CWF19L2: variants seen among roughly 807,000 people sequenced by gnomAD.
CWF19L2 encodes CWF19 like cell cycle control factor 2.
Under a neutral mutation model 111.7 loss-of-function variants are expected in CWF19L2, and 98 were observed. The observed-to-expected ratio is 0.88, with a 90% CI of 0.75 to 1.04. CWF19L2 has a LOEUF of 1.04. Ranked by LOEUF, CWF19L2 falls within the 50% of genes least tolerant of loss-of-function variation. CWF19L2 has a pLI of 0.00. For missense variants in CWF19L2, 1,101 were observed against 1,051.4 expected (o/e 1.05, Z -0.65); for synonymous variants, 351 against 342.9 (o/e 1.02, Z -0.26).
chr11:107,452,196 A>G (rs1861787498), intron 3 of CWF19L2, among the ~76,000 whole-genome samples: 1 of 152,192 alleles, frequency 6.6e-6, no homozygotes, highest in Non-Finnish European at 1.5e-5. Context: ...AATCTACTAA[A>G]AAAGCTACTA....
intron 10 of CWF19L2, among the ~76,000 whole-genome samples, chr11:107,404,933 T>A (rs1014447470): frequency 6.6e-6 from 1 of 152,194 alleles, no homozygotes; most frequent in Non-Finnish European, 1.5e-5. Flanking sequence ...GACAGAAATA[T>A]TGAGGAGCTC....
intron 7 of CWF19L2, among the ~76,000 whole-genome samples, chr11:107,431,569 T>C (rs1353171328): frequency 6.6e-6 from 1 of 152,108 alleles, no homozygotes; most frequent in African/African-American, 2.4e-5. Context: ...AATATTTATT[T>C]CTATTGAGCT....
intron 12 of CWF19L2, among the ~76,000 whole-genome samples, chr11:107,356,271 T>C (rs1179119551): frequency 6.6e-6 from 1 of 152,170 alleles, no homozygotes; most frequent in Non-Finnish European, 1.5e-5. Flanking sequence ...ATTAAACATC[T>C]GTATTAAAAG....
rs554063051 is a variant in CWF19L2 at position 107,386,142 on chromosome 11, T to C, written c.1872+3932A>G. ...GATCATCCCACCTCAGCTTCCTGCA[T>C]AGCTGAAACTACAGATAAGTACCAC... On this transcript the variant is annotated intron_variant, in intron 12 of 17. Coordinates refer to ENST00000282251, the MANE Select transcript of CWF19L2 (RefSeq NM_152434.3). Among the ~76,000 whole-genome samples, 14 of 152,316 alleles carry C rather than the reference T, an allele frequency of 9.2e-5. No homozygotes were observed. In the South Asian group the frequency reaches 2.3e-3, roughly 25 times the overall value.
chr11:107,408,400 G>T (rs1489510948), intron 10 of CWF19L2, among the ~76,000 whole-genome samples: 2 of 151,764 alleles, frequency 1.3e-5, no homozygotes, highest in African/African-American at 4.8e-5. Flanking sequence ...ATCTTAGTGT[G>T]GTAGATATAA....
At chr11:107,382,035 T>C (rs1268572578) in intron 12 of CWF19L2, among the ~76,000 whole-genome samples, 1 of 152,170 alleles carries the variant, frequency 6.6e-6, no homozygotes, top group African/African-American at 2.4e-5. Flanking sequence ...ATAAAATTAC[T>C]GCCCACAGTC....
chr11:107,331,414 G>A (rs1192357497), intron 16 of CWF19L2, among the ~76,000 whole-genome samples: 2 of 152,186 alleles, frequency 1.3e-5, no homozygotes, highest in East Asian at 3.8e-4. Context: ...TAGGCCCAAT[G>A]TAATCATAAG....
chr11:107,389,576 C>A (rs1430372291), intron 12 of CWF19L2, among the ~76,000 whole-genome samples: 1 of 152,142 alleles, frequency 6.6e-6, no homozygotes, highest in Non-Finnish European at 1.5e-5. Context: ...AACAAAAATT[C>A]ATCCTACCCA....
Position 107,442,823 on chromosome 11 carries a change from AG to A in CWF19L2, c.450+115del, listed in dbSNP as rs1861648188. On this transcript the variant is annotated intron_variant, in intron 4 of 17. Coordinates refer to ENST00000282251, the MANE Select transcript of CWF19L2 (RefSeq NM_152434.3). Reference sequence around the variant, plus strand: ...GGGAGGGAGGGAGGGAGGGAGGGGGAGGGAGGGAGAGAGGGACAGAGAGGGA... The same window carrying A: ...GGGAGGGAGGGAGGGAGGGAGGGGGAGGAGGGAGAGAGGGACAGAGAGGGA... The A allele has an allele frequency of 9.5e-6, 4 of 422,728 alleles. No individual in the cohort carries two copies. The Admixed American group carries it at 1.6e-4, about 17-fold the overall frequency. The allele number at this position is 422,728 out of a possible 1,614,324, so 26.2% of individuals were successfully genotyped here. A position where few individuals can be genotyped will look rare whatever the true frequency, so the allele number is the denominator to read the frequency against.
At chr11:107,403,028 C>T (rs1861029174) in intron 10 of CWF19L2, among the ~76,000 whole-genome samples, 1 of 151,100 alleles carries the variant, frequency 6.6e-6, no homozygotes, top group Non-Finnish European at 1.5e-5. Context: ...CATATATTTT[C>T]ACTGATATGT....
At position 107,405,988 on chromosome 11, in the gene CWF19L2, G is replaced by A. The variant is rs565103156; in HGVS notation, c.1617+10221C>T. ...CTTAATTAAAAAATATAGAAGTAAAGCAAAGGAAACAACTAAGAACCAAAG... is the reference window on the plus strand; with the variant it reads ...CTTAATTAAAAAATATAGAAGTAAAACAAAGGAAACAACTAAGAACCAAAG... On this transcript the variant is annotated intron_variant, in intron 10 of 17. Coordinates refer to ENST00000282251, the MANE Select transcript of CWF19L2 (RefSeq NM_152434.3). Among the ~76,000 whole-genome samples the A allele has an allele frequency of 3.9e-5, 6 of 152,186 alleles. No homozygotes were observed. In the South Asian group the frequency reaches 1.2e-3, roughly 32 times the overall value.
rs1288353305 is a variant in CWF19L2 at position 107,413,198 on chromosome 11, A to G, written c.1617+3011T>C. On this transcript the variant is annotated intron_variant, in intron 10 of 17. Transcript: ENST00000282251. ...ACTCCTCTGGTAGGGGCTATTGATAACGGGGGAGGCTGTGCTTATGGAGGG... is the reference window on the plus strand; with the variant it reads ...ACTCCTCTGGTAGGGGCTATTGATAGCGGGGGAGGCTGTGCTTATGGAGGG... Among the ~76,000 whole-genome samples the G allele has an allele frequency of 2.6e-5, 4 of 152,304 alleles. No individual in the cohort carries two copies. The East Asian group carries it at 7.7e-4, about 29-fold the overall frequency.
rs1038382324 is a variant in CWF19L2, at chr11:107,370,327, A to C, written c.1873-16591T>G. On this transcript the variant is annotated intron_variant, in intron 12 of 17. Transcript: ENST00000282251. ...AAAAAGAGGGGAGGGGAGTAAGACA[A>C]GACCCACCAATGGAATTCCATAAAA... Among the ~76,000 whole-genome samples the C allele has an allele frequency of 1.5e-5, 2 of 137,526 alleles. 1 individual carries two copies. The highest frequency in any genetic ancestry group is 3.1e-5 in the Non-Finnish European group (2 of 64,184). 90.2% of individuals were successfully genotyped at this position (137,526 alleles called of 152,430 possible). A position where few individuals can be genotyped will look rare whatever the true frequency, so the allele number is the denominator to read the frequency against.
intron 10 of CWF19L2, among the ~76,000 whole-genome samples, chr11:107,410,119 G>T (rs567698234): frequency 6.6e-6 from 1 of 152,020 alleles, no homozygotes; most frequent in African/African-American, 2.4e-5. Flanking sequence ...TCCAACAAAC[G>T]AGCTAAGCAA....
intron 12 of CWF19L2, among the ~76,000 whole-genome samples, chr11:107,361,214 T>C (rs940849721): frequency 1.3e-5 from 2 of 152,218 alleles, no homozygotes; most frequent in African/African-American, 4.8e-5. Flanking sequence ...AAAGAGTATC[T>C]TTTCCCCGGT....
chr11:107,379,172 G>C (rs1860643856), intron 12 of CWF19L2, among the ~76,000 whole-genome samples: 1 of 152,158 alleles, frequency 6.6e-6, no homozygotes. Context: ...GGTATGAAAA[G>C]GATCTGGCAC....
chr11:107,441,149 T>A (rs2135420363), intron 5 of CWF19L2, among the ~76,000 whole-genome samples: 1 of 152,258 alleles, frequency 6.6e-6, no homozygotes, highest in Non-Finnish European at 1.5e-5. Flanking sequence ...TTACATTATA[T>A]CCACCAGAAT....
intron 16 of CWF19L2, 140 bp from the exon 17 acceptor site, chr11:107,330,159 G>A (rs1859824394): frequency 2.1e-6 from 1 of 478,734 alleles, no homozygotes; most frequent in Non-Finnish European, 3.6e-6. Context: ...CAGTTCTAGA[G>A]ATATTTAAAC....
At chr11:107,392,657 A>G (rs1395327105) in intron 11 of CWF19L2, 122 bp downstream of exon 11, 2 of 562,848 alleles carry the variant, frequency 3.6e-6, no homozygotes, top group East Asian at 6.7e-5. Flanking sequence ...ATCATTTCCT[A>G]CCTTCCAATA....
Sources: allele counts gnomAD v4.1 joint callset (sites outside exome capture counted in the v4.1 genomes callset), GRCh38; gene constraint gnomAD v4.1.1; transcripts MANE v1.5; gene names NCBI Gene and HGNC (gene_info 2026-07-23, HGNC 2026-07-21).